ANPEP: variants seen among roughly 807,000 people sequenced by gnomAD.
The protein encoded by ANPEP is alanyl aminopeptidase, membrane.
A neutral mutation model predicts 114.6 loss-of-function variants in ANPEP; 70 were observed. The observed-to-expected ratio is 0.61, with a 90% CI of 0.50 to 0.75. The LOEUF is 0.75. Ranked by LOEUF, ANPEP falls within the 30% of genes least tolerant of loss-of-function variation. The pLI, the probability that ANPEP is intolerant of heterozygous loss-of-function variation, is 0.00. For synonymous variants in ANPEP, 548 were observed against 522.3 expected (o/e 1.05, Z -0.67); for missense variants, 1,184 against 1,259.5 (o/e 0.94, Z 0.91).
At chr15:89,797,893 G>GA (rs1485758285) in intron 14 of ANPEP, among the ~76,000 whole-genome samples, 171 bp from the exon 15 acceptor site, 13 of 152,210 alleles carry the variant, frequency 8.5e-5, no homozygotes, top group African/African-American at 2.7e-4. Flanking sequence ...ATTTGCCATG[G>GA]AAAAAGAGCT....
chr15:89,801,517 C>A lies in ANPEP; in HGVS notation c.1660G>T (p.Val554Leu), dbSNP rs1235677981. 1 of 1,614,202 alleles carries A rather than the reference C, an allele frequency of 6.2e-7. No individual in the cohort carries two copies. The highest frequency in any genetic ancestry group is 1.1e-5 in the South Asian group (1 of 91,082). ...GAAAGGGTCCCCGTGCTGGTATCCA[C>A]CGTGATGACCGGGAAGCCCATCTGC... ...TLQMGFPVIT[V>L]DTSTGTLSQE... is the part of the protein sequence containing the mutation. Residue 554 changes from valine to leucine, a missense_variant, in exon 11 of 21, where the codon GTG (valine) becomes TTG (leucine). Physicochemically the swap from Val to Leu is conservative, Grantham distance 32. Coordinates refer to ENST00000300060, the MANE Select transcript of ANPEP (RefSeq NM_001150.3).
intron 1 of ANPEP, among the ~76,000 whole-genome samples, chr15:89,811,462 C>T (rs1463546593): frequency 4.0e-5 from 6 of 151,636 alleles, no homozygotes; most frequent in East Asian, 1.9e-4. Context: ...CTGGCTAACA[C>T]GGTGAAACCT....
chr15:89,794,553 G>A (rs1261516828), intron 15 of ANPEP, among the ~76,000 whole-genome samples: 3 of 152,022 alleles, frequency 2.0e-5, no homozygotes, highest in African/African-American at 7.2e-5. Flanking sequence ...CAGAGGGGAG[G>A]TAAGGACTGC....
intron 19 of ANPEP, 119 bp from the exon 20 acceptor site, chr15:89,790,660 A>T: frequency 1.1e-6 from 1 of 924,440 alleles, no homozygotes; most frequent in Non-Finnish European, 1.7e-6. Flanking sequence ...GCCCTGGGAG[A>T]CCCCACTAGG....
In ANPEP at chr15:89,792,892, C is replaced by G. The variant is rs980970695; in HGVS notation, c.2249+143G>C. ...CCTCAGGCCACATGGAGCCTCAGGG[C>G]AGGACCTCCCTGCTCCTGGGTGGGG... On this transcript the variant is annotated intron_variant, in intron 16 of 20. Transcript: ENST00000300060. 7 of 767,318 alleles carry G rather than the reference C, an allele frequency of 9.1e-6. No homozygotes were observed. In the African/African-American group the frequency reaches 1.2e-4, roughly 13 times the overall value. 47.5% of individuals were successfully genotyped at this position (767,318 alleles called of 1,614,324 possible).
rs865886752 is a variant in ANPEP at position 89,806,862 on chromosome 15, C to T, written c.-223-56G>A. ...GCTGCAGGCGGCCTGGGATCAGGCC[C>T]GAGGGCTGAAGGGCAGGCTTCCGGC... On this transcript the variant is annotated intron_variant, in intron 1 of 20. Transcript: ENST00000300060. The surrounding 1 kb of genome is among the most constrained non-coding windows in gnomAD (Gnocchi z 5.7). 33 of 412,324 alleles carry T rather than the reference C, an allele frequency of 8.0e-5. No individual in the cohort carries two copies. Among genetic ancestry groups the T allele is most frequent in the South Asian group, 1.8e-4 (5 of 27,276 alleles). The allele number at this position is 412,324 out of a possible 1,614,324, so 25.5% of individuals were successfully genotyped here.
rs1894638226 is a variant in ANPEP at position 89,803,487 on chromosome 15, C to T, written c.1458G>A (p.Met486Ile). 6.2e-7 allele frequency: 1 copy of T among 1,607,244 alleles called. No individual in the cohort carries two copies. The change falls in exon 9 of 21, where the codon ATG becomes ATA. Residue 486 changes from methionine (M) to isoleucine (I), a missense_variant. Met to Ile is a conservative substitution (Grantham distance 10). Transcript: ENST00000300060. This position sits in a 1 kb window ranked among gnomAD's most constrained non-coding sequence, Gnocchi z 4.2. Reference protein sequence around the residue: ...SYSKGASVLRMLSSFLSEDVF... With the variant: ...SYSKGASVLRILSSFLSEDVF... ...CGTCCTCGGACAGGAAGCTGGAGAGCATCCTGAGGACTGAGGCGCCCTGGG... is the reference window on the plus strand; with the variant it reads ...CGTCCTCGGACAGGAAGCTGGAGAGTATCCTGAGGACTGAGGCGCCCTGGG...
Position 89,799,188 on chromosome 15 carries a change from GGCCCTCA to G in ANPEP, c.2009+65_2009+71del, listed in dbSNP as rs1894533792. On this transcript the variant is annotated intron_variant, in intron 14 of 20. Coordinates refer to ENST00000300060, the MANE Select transcript of ANPEP (RefSeq NM_001150.3). The surrounding 1 kb of genome is among the most constrained non-coding windows in gnomAD (Gnocchi z 4.2). Reference sequence around the variant, plus strand: ...TGGGAAGGGCAGCAGGAGGAGCAGGGGCCCTCATTGTGGACTCAGACTTGCTGAAGTC... The same window carrying G: ...TGGGAAGGGCAGCAGGAGGAGCAGGGTTGTGGACTCAGACTTGCTGAAGTC... The G allele has an allele frequency of 6.4e-7, 1 of 1,559,076 alleles. No individual in the cohort carries two copies. Among genetic ancestry groups the G allele is most frequent in the Non-Finnish European group, 8.8e-7 (1 of 1,131,368 alleles).
At chr15:89,790,844 T>A in intron 19 of ANPEP, 109 bp downstream of exon 19, 1 of 1,403,358 alleles carries the variant, frequency 7.1e-7, no homozygotes, top group Non-Finnish European at 9.7e-7. Flanking sequence ...CTTGGCTGAT[T>A]TTTGTCCACT....
intron 15 of ANPEP, among the ~76,000 whole-genome samples, chr15:89,795,525 T>A (rs28463231): frequency 0.39 from 58,942 of 151,734 alleles, 13,155 homozygotes; most frequent in African/African-American, 0.62. Context: ...GCTCCCAAAG[T>A]TTCCAGAAGG....
intron 18 of ANPEP, 138 bp downstream of exon 18, chr15:89,792,022 G>A (rs187630674): frequency 1.5e-5 from 16 of 1,034,202 alleles, no homozygotes; most frequent in Admixed American, 2.8e-5. Context: ...AGTCTGCACC[G>A]GTTACTTTGG....
At chr15:89,788,100 A>G (rs1460535100) in intron 20 of ANPEP, among the ~76,000 whole-genome samples, 1 of 152,266 alleles carries the variant, frequency 6.6e-6, no homozygotes, top group Non-Finnish European at 1.5e-5. Flanking sequence ...TTAAACACAG[A>G]GTAACCAAAT....
chr15:89,814,041 C>T (rs1407085362), intron 1 of ANPEP, among the ~76,000 whole-genome samples: 1 of 148,976 alleles, frequency 6.7e-6, no homozygotes, highest in Non-Finnish European at 1.5e-5. Context: ...ATCCCATTGG[C>T]CCTGTTTAGG....
In ANPEP at chr15:89,799,498, C is replaced by T. The variant is rs756763469; in HGVS notation, c.1881G>A (p.Thr627=). ...NEWVLLNLNV[T]GYYRVNYDEE... ...CGTCGTAGTTCACCCGGTAATAGCC[C>T]GTCACATTGAGGTTCAGCAGGACCC... is the stretch of plus-strand genomic sequence containing the variant. Residue 627 remains threonine, a synonymous_variant, in exon 13 of 21, where the codon ACG becomes ACA. Coordinates refer to ENST00000300060, the MANE Select transcript of ANPEP (RefSeq NM_001150.3). The surrounding 1 kb of genome is among the most constrained non-coding windows in gnomAD (Gnocchi z 4.2). 7.4e-6 allele frequency: 12 copies of T among 1,614,028 alleles called. No homozygotes were observed. Among genetic ancestry groups the T allele is most frequent in the South Asian group, 5.5e-5 (5 of 91,088 alleles).
At chr15:89,813,766 C>G (rs1461923966) in intron 1 of ANPEP, among the ~76,000 whole-genome samples, 3 of 152,222 alleles carry the variant, frequency 2.0e-5, no homozygotes, top group Non-Finnish European at 4.4e-5. Flanking sequence ...TCCAAGCCTC[C>G]CCTTTCACAG....
Position 89,801,596 on chromosome 15 carries a change from G to T in ANPEP, c.1581C>A (p.Asn527Lys), listed in dbSNP as rs201349020. 8.9e-5 allele frequency: 144 copies of T among 1,613,750 alleles called. 1 individual carries two copies. Among genetic ancestry groups the T allele is most frequent in the Non-Finnish European group, 1.1e-4 (131 of 1,179,834 alleles). ...CGGTGGTGGGGAGTTGGATGGACCG[G>T]TTGTTCACAGCCTGTGGGTGGAGCG... is the stretch of plus-strand genomic sequence containing the variant. Reference protein sequence around the residue: ...LWDHLQEAVNNRSIQLPTTVR... With the variant: ...LWDHLQEAVNKRSIQLPTTVR... The change falls in exon 11 of 21, where the codon AAC becomes AAA. Residue 527 changes from asparagine to lysine, a missense_variant. Transcript: ENST00000300060.
chr15:89,801,007 A>C, intron 12 of ANPEP, 104 bp downstream of exon 12: 1 of 997,978 alleles, frequency 1.0e-6, no homozygotes, highest in South Asian at 1.4e-5. Flanking sequence ...AAAGAAGTCA[A>C]GTCCATTTGT....
chr15:89,792,122 A>G (rs199527953), intron 18 of ANPEP, 38 bp downstream of exon 18: 6 of 1,589,844 alleles, frequency 3.8e-6, no homozygotes, highest in South Asian at 2.3e-5. Flanking sequence ...CCAGGTGGGG[A>G]GAGGGCTCTC....
At position 89,792,993 on chromosome 15, in the gene ANPEP, G is replaced by C. The variant is rs201619441; in HGVS notation, c.2249+42C>G. 133 of 1,541,720 alleles carry C rather than the reference G, an allele frequency of 8.6e-5. No individual in the cohort carries two copies. The East Asian group carries it at 2.0e-3, about 23-fold the overall frequency. The stretch of plus-strand genomic sequence containing the variant: ...GCCAGGATGTTGCTCTTGACTCCCC[G>C]GGGTGCCCAGGACTTCCAAACCCAT... On this transcript the variant is annotated intron_variant, in intron 16 of 20. Coordinates refer to ENST00000300060, the MANE Select transcript of ANPEP (RefSeq NM_001150.3).
Sources: allele counts gnomAD v4.1 joint callset (sites outside exome capture counted in the v4.1 genomes callset), GRCh38; gene constraint gnomAD v4.1.1; non-coding constraint Gnocchi (gnomAD v3.1); transcripts MANE v1.5; gene names NCBI Gene and HGNC (gene_info 2026-07-23, HGNC 2026-07-21).